Variants in C12orf42 observed in about 807,000 individuals in gnomAD.
C12orf42 encodes uncharacterized protein C12orf42.
Under a neutral mutation model 21.6 loss-of-function variants are expected in C12orf42, and 25 were observed. That is an observed-to-expected ratio of 1.16 (90% CI 0.84 to 1.62). The LOEUF (loss-of-function observed/expected upper bound fraction) is 1.62, where lower values mean the gene tolerates loss of function less well. Ranked by LOEUF, C12orf42 falls within the 40% of genes most tolerant of loss-of-function variation. C12orf42 has a pLI of 0.00. For synonymous variants in C12orf42, 174 were observed against 175.0 expected (o/e 0.99, Z 0.05); for missense variants, 483 against 459.3 (o/e 1.05, Z -0.47).
the C12orf42 span, among the ~76,000 whole-genome samples, chr12:103,542,766 A>C: frequency 6.6e-6 from 1 of 152,220 alleles, no homozygotes; most frequent in African/African-American, 2.4e-5. Context: ...ATCTTCATCA[A>C]AGCAGTGTTT....
intron 2 of C12orf42, among the ~76,000 whole-genome samples, chr12:103,461,422 G>A (rs776823933): frequency 9.2e-5 from 14 of 152,160 alleles, no homozygotes; most frequent in Non-Finnish European, 1.9e-4. Context: ...GATCTGCTAA[G>A]AAGTTGAATA....
intron 4 of C12orf42, among the ~76,000 whole-genome samples, chr12:103,325,605 G>T (rs1045351673): frequency 6.6e-6 from 1 of 152,138 alleles, no homozygotes; most frequent in Admixed American, 6.5e-5. Flanking sequence ...AAGTTCTTTG[G>T]GTCCTTTAAT....
chr12:103,218,530 G>A, the C12orf42 span, among the ~76,000 whole-genome samples: 1 of 152,160 alleles, frequency 6.6e-6, no homozygotes, highest in South Asian at 2.1e-4. Flanking sequence ...CAAAACCGAA[G>A]TATTCTGGGA....
chr12:103,447,550 A>C lies in C12orf42; in HGVS notation c.78+30799T>G, dbSNP rs1028321159. 5.9e-5 allele frequency among the ~76,000 whole-genome samples: 9 copies of C among 152,018 alleles called. No individual in the cohort carries two copies. In the South Asian group the frequency reaches 1.9e-3, roughly 31 times the overall value. On this transcript the variant is annotated intron_variant, in intron 2 of 5. Transcript: ENST00000548883. ...TCATACACCTAGAAAATCCTAAAGAACCATCCAAAAAGCTCTTAAAACTGG... is the reference window on the plus strand; with the variant it reads ...TCATACACCTAGAAAATCCTAAAGACCCATCCAAAAAGCTCTTAAAACTGG...
the C12orf42 span, among the ~76,000 whole-genome samples, chr12:103,089,619 C>CTGTGTGTGTGTGTGTG: frequency 6.9e-5 from 10 of 145,588 alleles, no homozygotes; most frequent in African/African-American, 2.5e-4. Flanking sequence ...GTGTGTGTGT[C>CTGTGTGTGTGTGTGTG]TGTGTGTGTG....
the C12orf42 span, among the ~76,000 whole-genome samples, chr12:103,200,624 T>C: frequency 6.6e-6 from 1 of 152,170 alleles, no homozygotes; most frequent in Admixed American, 6.5e-5. Context: ...ATTATGTATG[T>C]TGAATTTGAA....
chr12:103,394,602 A>G (rs1158355892), intron 3 of C12orf42, among the ~76,000 whole-genome samples: 1 of 152,226 alleles, frequency 6.6e-6, no homozygotes, highest in Non-Finnish European at 1.5e-5. Context: ...ACCATTGAAC[A>G]TAATTTTCAG....
chr12:103,075,835 T>C, the C12orf42 span, among the ~76,000 whole-genome samples: 1 of 152,190 alleles, frequency 6.6e-6, no homozygotes, highest in Non-Finnish European at 1.5e-5. Flanking sequence ...CCATAATTAT[T>C]AAGACTCTAT....
the C12orf42 span, among the ~76,000 whole-genome samples, chr12:103,543,265 C>T: frequency 3.3e-5 from 5 of 152,248 alleles, no homozygotes; most frequent in South Asian, 1.0e-3. Context: ...AGAATGTATT[C>T]CCACTATTAA....
At chr12:103,409,031 C>G (rs543721708) in intron 2 of C12orf42, among the ~76,000 whole-genome samples, 73 of 151,994 alleles carry the variant, frequency 4.8e-4, no homozygotes, top group Non-Finnish European at 1.0e-3. Flanking sequence ...TTTAGTTAAC[C>G]GCATATTTCA....
intron 4 of C12orf42, among the ~76,000 whole-genome samples, chr12:103,322,305 T>C (rs1369826339): frequency 6.6e-6 from 1 of 152,206 alleles, no homozygotes; most frequent in African/African-American, 2.4e-5. Flanking sequence ...TTGGTCAAGG[T>C]TTGTGCAACT....
At chr12:103,489,609 G>A (rs1282369869) in intron 1 of C12orf42, among the ~76,000 whole-genome samples, 1 of 152,224 alleles carries the variant, frequency 6.6e-6, no homozygotes, top group Non-Finnish European at 1.5e-5. Context: ...GGTTCCCCCA[G>A]TTTGAGCTTC....
the C12orf42 span, among the ~76,000 whole-genome samples, chr12:103,140,195 A>G: frequency 6.6e-6 from 1 of 152,184 alleles, no homozygotes; most frequent in African/African-American, 2.4e-5. Flanking sequence ...TGGAATTCTT[A>G]TACAACAATA....
At chr12:103,157,778 T>C in the C12orf42 span, among the ~76,000 whole-genome samples, 1 of 152,194 alleles carries the variant, frequency 6.6e-6, no homozygotes. Flanking sequence ...CAGATGGTTG[T>C]AGGTGTGTGG....
chr12:103,423,955 C>A (rs1399647405), intron 2 of C12orf42, among the ~76,000 whole-genome samples: 1 of 152,086 alleles, frequency 6.6e-6, no homozygotes, highest in Non-Finnish European at 1.5e-5. Flanking sequence ...AACTCTATTA[C>A]CTGAAGATGG....
chr12:103,160,082 C>T, the C12orf42 span, among the ~76,000 whole-genome samples: 2 of 152,100 alleles, frequency 1.3e-5, no homozygotes, highest in Admixed American at 6.5e-5. Flanking sequence ...AAGAGTTTGT[C>T]AAAAGTAACT....
chr12:103,186,631 T>C, the C12orf42 span, among the ~76,000 whole-genome samples: 3 of 152,154 alleles, frequency 2.0e-5, no homozygotes, highest in African/African-American at 7.2e-5. Flanking sequence ...TGTGATTGAT[T>C]AATTTGAAAC....
the C12orf42 span, among the ~76,000 whole-genome samples, chr12:103,508,827 T>A: frequency 6.6e-6 from 1 of 152,208 alleles, no homozygotes; most frequent in African/African-American, 2.4e-5. Flanking sequence ...AATTATTTGA[T>A]CTTTCTAAAT....
the C12orf42 span, among the ~76,000 whole-genome samples, chr12:103,147,975 G>T: frequency 1.3e-5 from 2 of 152,132 alleles, no homozygotes; most frequent in Non-Finnish European, 2.9e-5. Context: ...AGAAATAAAT[G>T]TTGGTAGCAT....
Sources: allele counts gnomAD v4.1 joint callset (sites outside exome capture counted in the v4.1 genomes callset), GRCh38; gene constraint gnomAD v4.1.1; transcripts MANE v1.5; gene names NCBI Gene and HGNC (gene_info 2026-07-23, HGNC 2026-07-21).